Variants in FERMT2 observed in about 807,000 individuals in gnomAD.
FERMT2 encodes the protein fermitin family homolog 2.
FERMT2 carries 15 observed loss-of-function variants against 82.7 expected under a neutral mutation model. The ratio of observed to expected loss-of-function variants is 0.18; its 90% CI spans 0.12 to 0.28. The LOEUF is 0.28. FERMT2 is among the 10% of genes least tolerant of loss of function. The pLI is 1.00. For synonymous variants in FERMT2, 274 were observed against 271.5 expected, an observed-to-expected ratio of 1.01 and a Z score of -0.09; for missense variants, 645 against 809.4, an observed-to-expected ratio of 0.80 and a Z score of 2.46.
At chr14:52,898,741 T>TCC (rs374511154) in intron 3 of FERMT2, among the ~76,000 whole-genome samples, 8 of 151,696 alleles carry the variant, frequency 5.3e-5, no homozygotes, top group African/African-American at 1.9e-4. Flanking sequence ...GTACTCTCTC[T>TCC]CCACCCATTC....
intron 3 of FERMT2, among the ~76,000 whole-genome samples, chr14:52,910,850 C>T (rs1165254031): frequency 1.3e-5 from 2 of 152,112 alleles, no homozygotes; most frequent in Admixed American, 6.6e-5. Context: ...GAAATGTCCT[C>T]ATCTTTCTTA....
intron 2 of FERMT2, among the ~76,000 whole-genome samples, chr14:52,927,590 T>TAAAAA (rs1566755584): frequency 2.5e-4 from 3 of 11,790 alleles, no homozygotes; most frequent in African/African-American, 7.6e-4. Flanking sequence ...ACCTCATCCC[T>TAAAAA]ATAAAAAAAA....
At chr14:52,919,041 C>G (rs1726425953) in intron 3 of FERMT2, 82 bp downstream of exon 3, 1 of 924,508 alleles carries the variant, frequency 1.1e-6, no homozygotes, top group African/African-American at 1.7e-5. Flanking sequence ...CATGCCCCAT[C>G]CCTTGGGATA....
At chr14:52,907,214 T>C (rs1331285472) in intron 3 of FERMT2, among the ~76,000 whole-genome samples, 1 of 152,154 alleles carries the variant, frequency 6.6e-6, no homozygotes, top group African/African-American at 2.4e-5. Context: ...GGTTTCGCCA[T>C]GTTGCACAGG....
intron 4 of FERMT2, among the ~76,000 whole-genome samples, chr14:52,885,456 G>A (rs759621735): frequency 2.0e-5 from 3 of 151,596 alleles, no homozygotes; most frequent in East Asian, 1.9e-4. Context: ...TTCCTTCATC[G>A]TGGTTCAGAG....
chr14:52,930,257 T>G (rs961910683), intron 2 of FERMT2, among the ~76,000 whole-genome samples: 13 of 152,210 alleles, frequency 8.5e-5, no homozygotes, highest in African/African-American at 3.1e-4. Context: ...AGAATGAATT[T>G]CTTTGCTCAA....
chr14:52,905,671 C>T (rs1244947145), intron 3 of FERMT2, among the ~76,000 whole-genome samples: 9 of 152,016 alleles, frequency 5.9e-5, no homozygotes, highest in Non-Finnish European at 1.3e-4. Flanking sequence ...AAGGATTTCT[C>T]CCGTGTGTCT....
chr14:52,903,303 G>A (rs546036655), intron 3 of FERMT2, among the ~76,000 whole-genome samples: 1 of 152,098 alleles, frequency 6.6e-6, no homozygotes, highest in African/African-American at 2.4e-5. Context: ...TTTGGGAGAC[G>A]AAGGTGGGAG....
rs145088539 is a variant in FERMT2 at position 52,943,076 on chromosome 14, C to T, written c.157+7336G>A. On this transcript the variant is annotated intron_variant, in intron 2 of 14. Transcript: ENST00000341590. ...AAAAATACAAAAATTAGCGTGGTGG[C>T]GGGTGCCTGTAATCCCAGCTACTTG... Among the ~76,000 whole-genome samples the T allele has an allele frequency of 2.6e-3, 387 of 150,698 alleles. 4 individuals are homozygous for T. The highest frequency in any genetic ancestry group is 8.9e-3 in the African/African-American group (363 of 40,636).
intron 2 of FERMT2, among the ~76,000 whole-genome samples, chr14:52,949,824 C>T (rs1305434940): frequency 6.6e-6 from 1 of 152,160 alleles, no homozygotes; most frequent in Admixed American, 6.5e-5. Flanking sequence ...CGGCTTACAT[C>T]GAGCATGGAC....
At chr14:52,943,384 C>G (rs1279706495) in intron 2 of FERMT2, among the ~76,000 whole-genome samples, 3 of 151,966 alleles carry the variant, frequency 2.0e-5, no homozygotes, top group Non-Finnish European at 4.4e-5. Flanking sequence ...TGTCAATAAG[C>G]CATTTATTAT....
intron 12 of FERMT2, 105 bp downstream of exon 12, chr14:52,864,296 C>T (rs540092121): frequency 7.0e-4 from 518 of 735,374 alleles, no homozygotes; most frequent in Non-Finnish European, 1.1e-3. Context: ...CCATCTGATA[C>T]AAAATTAAGA....
At chr14:52,908,128 T>A (rs1566743689) in intron 3 of FERMT2, among the ~76,000 whole-genome samples, 1 of 152,106 alleles carries the variant, frequency 6.6e-6, no homozygotes, top group Non-Finnish European at 1.5e-5. Context: ...GTAATGCGAA[T>A]TAAAGCCACA....
chr14:52,870,449 A>C (rs1885548842), intron 10 of FERMT2, among the ~76,000 whole-genome samples: 4 of 152,090 alleles, frequency 2.6e-5, no homozygotes. Flanking sequence ...GGGTTTCTCC[A>C]TGTTGGTCAG....
chr14:52,889,058 C>A (rs1372710254), intron 4 of FERMT2, among the ~76,000 whole-genome samples: 1 of 152,152 alleles, frequency 6.6e-6, no homozygotes, highest in Non-Finnish European at 1.5e-5. Flanking sequence ...CCTGGGCTTA[C>A]AGCTCAGCTC....
chr14:52,937,673 T>C (rs1387726827), intron 2 of FERMT2, among the ~76,000 whole-genome samples: 1 of 152,226 alleles, frequency 6.6e-6, no homozygotes, highest in Admixed American at 6.5e-5. Context: ...TAAATGTTTG[T>C]TGCTGCTACT....
intron 2 of FERMT2, among the ~76,000 whole-genome samples, chr14:52,933,822 CCA>C (rs574574818): frequency 6.6e-6 from 1 of 152,032 alleles, no homozygotes; most frequent in South Asian, 2.1e-4. Context: ...AATCTGTGCC[CCA>C]CATTGCCTTT....
intron 2 of FERMT2, among the ~76,000 whole-genome samples, 184 bp from the exon 3 acceptor site, chr14:52,919,540 T>C (rs970565551): frequency 1.3e-5 from 2 of 152,128 alleles, no homozygotes; most frequent in Non-Finnish European, 2.9e-5. Context: ...GAAAAGCCAG[T>C]ACACAAGGCA....
At chr14:52,933,567 G>T (rs772116572) in intron 2 of FERMT2, among the ~76,000 whole-genome samples, 1 of 151,474 alleles carries the variant, frequency 6.6e-6, no homozygotes, top group African/African-American at 2.4e-5. Flanking sequence ...AAAATTAGCC[G>T]GGCATGGTGG....
Sources: gnomAD v4.1 joint callset for allele counts (sites outside exome capture counted in the v4.1 genomes callset) on GRCh38, gnomAD v4.1.1 for gene constraint, MANE v1.5 for transcripts, NCBI Gene and HGNC (gene_info 2026-07-23, HGNC 2026-07-21) for gene names.